The following ANAPC4 variants were observed in gnomAD, a reference collection of about 807,000 sequenced individuals.
ANAPC4 encodes anaphase-promoting complex subunit 4.
In ANAPC4, 63 loss-of-function variants were observed where a neutral mutation model predicts 119.8. The observed-to-expected ratio is 0.53, with a 90% confidence interval of 0.43 to 0.65. ANAPC4 has a LOEUF of 0.65. ANAPC4 is among the 30% of genes least tolerant of loss of function. ANAPC4 has a pLI of 0.00. For synonymous variants in ANAPC4, 283 were observed against 318.6 expected, an observed-to-expected ratio of 0.89 and a Z score of 1.19; for missense variants, 716 against 945.1, an observed-to-expected ratio of 0.76 and a Z score of 3.18.
chr4:25,415,653 C>T (rs1216028964), intron 26 of ANAPC4, 113 bp downstream of exon 26: 2 of 770,252 alleles, frequency 2.6e-6, no homozygotes, highest in African/African-American at 1.8e-5. Context: ...GGCTTTGCCA[C>T]TTCCCACATC....
chr4:25,378,014 A>G (rs965042459), intron 2 of ANAPC4, among the ~76,000 whole-genome samples: 5 of 152,236 alleles, frequency 3.3e-5, no homozygotes, highest in Non-Finnish European at 5.9e-5. Context: ...GCCTGCATGT[A>G]GCTGCCACAC....
rs1323979604 is a variant in ANAPC4, at chr4:25,394,383, C to T, written c.941+9C>T. ...TTATGGGGGAAAGCAAGGTAATAAA[C>T]TCAGATTAGGTGCTCCTGTTTTTGC... is the stretch of plus-strand genomic sequence containing the variant. On this transcript the variant is annotated intron_variant, in intron 12 of 28. Coordinates refer to ENST00000315368, the MANE Select transcript of ANAPC4 (RefSeq NM_013367.3). 1 of 1,418,658 alleles carries T rather than the reference C, an allele frequency of 7.0e-7. No individual in the cohort carries two copies. The highest frequency in any genetic ancestry group is 9.3e-7 in the Non-Finnish European group (1 of 1,070,306). 87.9% of individuals were successfully genotyped at this position (1,418,658 alleles called of 1,614,324 possible). A position where few individuals can be genotyped will look rare whatever the true frequency, so the allele number is the denominator to read the frequency against.
At chr4:25,411,735 A>G (rs548009362) in intron 21 of ANAPC4, among the ~76,000 whole-genome samples, 32 of 152,342 alleles carry the variant, frequency 2.1e-4, no homozygotes, top group Non-Finnish European at 3.8e-4. Context: ...AAATTAATCT[A>G]CATAAGCACT....
At chr4:25,384,805 A>AC (rs1721941809) in intron 4 of ANAPC4, among the ~76,000 whole-genome samples, 1 of 152,022 alleles carries the variant, frequency 6.6e-6, no homozygotes, top group Non-Finnish European at 1.5e-5. Context: ...GTCTCAAAAA[A>AC]AAAAAAAGAC....
chr4:25,398,417 G>A (rs1722772563), intron 16 of ANAPC4, among the ~76,000 whole-genome samples: 1 of 152,132 alleles, frequency 6.6e-6, no homozygotes, highest in Admixed American at 6.5e-5. Context: ...TTGATATTTG[G>A]GGGTGGAAGG....
Position 25,407,157 on chromosome 4 carries a change from G to A in ANAPC4, c.1375-40G>A, listed in dbSNP as rs772866254. The A allele has an allele frequency of 2.0e-6, 3 of 1,520,826 alleles. No homozygotes were observed. In the South Asian group the frequency reaches 3.5e-5, roughly 18 times the overall value. 94.2% of individuals were successfully genotyped at this position (1,520,826 alleles called of 1,614,324 possible). A position where few individuals can be genotyped will look rare whatever the true frequency, so the allele number is the denominator to read the frequency against. ...TTAAATTTAAGATATTTTTCTTCGT[G>A]AGTTGACTTAAGAATTAAACTATGT... On this transcript the variant is annotated intron_variant, in intron 19 of 28. Coordinates refer to ENST00000315368, the MANE Select transcript of ANAPC4 (RefSeq NM_013367.3).
Position 25,382,881 on chromosome 4 carries a change from A to G in ANAPC4, c.236-380A>G, listed in dbSNP as rs140626848. On this transcript the variant is annotated intron_variant, in intron 3 of 28. Transcript: ENST00000315368. ...AGGAATAAAAAGCATTCCAAGAACAAAGCAGATGGAATCATTGCTTACCTT... is the reference window on the plus strand; with the variant it reads ...AGGAATAAAAAGCATTCCAAGAACAGAGCAGATGGAATCATTGCTTACCTT... Among the ~76,000 whole-genome samples the G allele has an allele frequency of 5.6e-3, 853 of 152,360 alleles. 7 individuals carry two copies. The highest frequency in any genetic ancestry group is 0.019 in the African/African-American group (805 of 41,588).
Position 25,415,474 on chromosome 4 carries a change from G to A in ANAPC4, c.1835G>A (p.Ser612Asn), listed in dbSNP as rs2109147600. ...CCCCTTCTTTCTTGAAGATCTGTGA[G>A]TAATGGACTAATTGCTATTAAATTT... Reference protein sequence around the residue: ...RRHTDISQSVSNGLIAIKFGS... With the variant: ...RRHTDISQSVNNGLIAIKFGS... Residue 612 changes from serine (S) to asparagine (N), a missense_variant, in exon 26 of 29, where the codon AGT becomes AAT. Coordinates refer to ENST00000315368, the MANE Select transcript of ANAPC4 (RefSeq NM_013367.3). 1 of 1,612,598 alleles carries A rather than the reference G, an allele frequency of 6.2e-7. No homozygotes were observed. The highest frequency in any genetic ancestry group is 1.1e-5 in the South Asian group (1 of 90,904).
intron 4 of ANAPC4, among the ~76,000 whole-genome samples, chr4:25,385,340 T>A (rs935713794): frequency 2.0e-5 from 3 of 152,216 alleles, no homozygotes; most frequent in African/African-American, 4.8e-5. Context: ...AAATCCTCGA[T>A]GGCATCTTCC....
rs745358987 is a variant in ANAPC4, at chr4:25,394,731, A to G, written c.984+18A>G. 11 of 1,605,332 alleles carry G rather than the reference A, an allele frequency of 6.9e-6. No individual in the cohort carries two copies. The East Asian group carries it at 2.2e-4, about 33-fold the overall frequency. ...CAGTAAAGGTGCAGTTAATGTATCTATGTATTCAAATGGCTATGAACACAT... is the reference window on the plus strand; with the variant it reads ...CAGTAAAGGTGCAGTTAATGTATCTGTGTATTCAAATGGCTATGAACACAT... On this transcript the variant is annotated intron_variant, in intron 13 of 28. Coordinates refer to ENST00000315368, the MANE Select transcript of ANAPC4 (RefSeq NM_013367.3).
At chr4:25,403,616 A>G (rs1723097802) in intron 17 of ANAPC4, among the ~76,000 whole-genome samples, 1 of 152,188 alleles carries the variant, frequency 6.6e-6, no homozygotes, top group Non-Finnish European at 1.5e-5. Context: ...CTGTCTTTAG[A>G]TCTCTGCTGT....
intron 14 of ANAPC4, among the ~76,000 whole-genome samples, chr4:25,396,457 AT>A (rs760984613): frequency 6.6e-6 from 1 of 152,182 alleles, no homozygotes; most frequent in Non-Finnish European, 1.5e-5. Context: ...ACAAAATTTG[AT>A]CTTGTCATTT....
chr4:25,418,017 T>A lies in ANAPC4; in HGVS notation c.2200-138T>A, dbSNP rs545591907. 37 of 938,262 alleles carry A rather than the reference T, an allele frequency of 3.9e-5. No homozygotes were observed. The African/African-American group carries it at 5.7e-4, about 14-fold the overall frequency. 58.1% of individuals were successfully genotyped at this position (938,262 alleles called of 1,614,324 possible). On this transcript the variant is annotated intron_variant, in intron 28 of 28. Coordinates refer to ENST00000315368, the MANE Select transcript of ANAPC4 (RefSeq NM_013367.3). ...CTTTTTATACAAAATGAAGGCTGAA[T>A]TTATTGATTTTGTTGTAAATTGATG...
At chr4:25,385,349 C>G (rs1326550879) in intron 4 of ANAPC4, among the ~76,000 whole-genome samples, 2 of 152,278 alleles carry the variant, frequency 1.3e-5, no homozygotes, top group East Asian at 3.9e-4. Context: ...ATGGCATCTT[C>G]CAATAAAAGG....
At position 25,418,255 on chromosome 4, in the gene ANAPC4, A is replaced by G. The variant is rs1180767428; in HGVS notation, c.2300A>G (p.Lys767Arg). Residue 767 changes from lysine to arginine, a missense_variant, in exon 29 of 29, where the codon AAG becomes AGG. Lys to Arg is a conservative substitution (Grantham distance 26). Around this residue, in one of 3 missense-constraint regions of ANAPC4, gnomAD observed 504 missense variants for 615.8 expected, o/e 0.82. Transcript: ENST00000315368. ...GATGAAGAGGAGGAGGCCAGTAATAAGCCTGTAAAAATAAAGGAAGAAGTG... is the reference window on the plus strand; with the variant it reads ...GATGAAGAGGAGGAGGCCAGTAATAGGCCTGTAAAAATAAAGGAAGAAGTG... The part of the protein sequence containing the change: ...SSDEEEEASN[K>R]PVKIKEEVLS... The G allele has an allele frequency of 6.2e-7, 1 of 1,614,132 alleles. No homozygotes were observed. The highest frequency in any genetic ancestry group is 1.1e-5 in the South Asian group (1 of 91,090).
chr4:25,391,797 C>CAG (rs2109120332), intron 9 of ANAPC4, among the ~76,000 whole-genome samples: 1 of 152,308 alleles, frequency 6.6e-6, no homozygotes, highest in East Asian at 1.9e-4. Flanking sequence ...TTCAGAGCAT[C>CAG]AGAGAACTCT....
At chr4:25,383,176 A>C in intron 3 of ANAPC4, 85 bp from the exon 4 acceptor site, 1 of 1,310,712 alleles carries the variant, frequency 7.6e-7, no homozygotes, top group Non-Finnish European at 1.0e-6. Context: ...CACTTAAAAG[A>C]GTAAAACTGG....
chr4:25,382,075 C>G (rs1193000891), intron 3 of ANAPC4, among the ~76,000 whole-genome samples: 1 of 152,062 alleles, frequency 6.6e-6, no homozygotes, highest in South Asian at 2.1e-4. Context: ...TATCAAAAGA[C>G]AGTTATTTGG....
At chr4:25,417,828 G>A (rs1723968944) in intron 28 of ANAPC4, 89 bp downstream of exon 28, 1 of 1,487,116 alleles carries the variant, frequency 6.7e-7, no homozygotes, top group African/African-American at 1.4e-5. Flanking sequence ...TGATATATAA[G>A]GTCCTTTTGT....
Sources: gnomAD v4.1 joint callset for allele counts (sites outside exome capture counted in the v4.1 genomes callset) on GRCh38, gnomAD v4.1.1 for gene constraint, gnomAD v4.1.1 regional missense constraint, MANE v1.5 for transcripts, NCBI Gene and HGNC (gene_info 2026-07-23, HGNC 2026-07-21) for gene names.